Variants in SVEP1 observed in about 807,000 individuals in gnomAD.
SVEP1 encodes sushi, von Willebrand factor type A, EGF and pentraxin domain containing 1, also known as sushi, von Willebrand factor type A, EGF and pentraxin domain-containing protein 1.
A neutral mutation model predicts 367.3 loss-of-function variants in SVEP1; 164 were observed. The observed-to-expected ratio is 0.45, with a 90% CI of 0.39 to 0.51. SVEP1 has a LOEUF of 0.51. Among genes scored for constraint, SVEP1 ranks in the 20% least tolerant of loss-of-function variants. The pLI is 0.00. For synonymous variants in SVEP1, 1,666 were observed against 1,611.6 expected (o/e 1.03, Z -0.81); for missense variants, 4,117 against 4,425.3 (o/e 0.93, Z 1.98).
chr9:110,561,893 AG>A (rs1830436213), intron 1 of SVEP1, among the ~76,000 whole-genome samples: 1 of 152,206 alleles, frequency 6.6e-6, no homozygotes, highest in South Asian at 2.1e-4. Flanking sequence ...AGAAAGAAAA[AG>A]GTTGGTTGGC....
intron 3 of SVEP1, among the ~76,000 whole-genome samples, chr9:110,540,428 T>G (rs1830130018): frequency 6.6e-6 from 1 of 152,030 alleles, no homozygotes; most frequent in African/African-American, 2.4e-5. Flanking sequence ...TGAAACAGAG[T>G]TATGTAGGGT....
chr9:110,486,576 C>A (rs1829280378), intron 9 of SVEP1, among the ~76,000 whole-genome samples: 1 of 151,626 alleles, frequency 6.6e-6, no homozygotes, highest in Admixed American at 6.6e-5. Flanking sequence ...TCACTCCCTA[C>A]ATCCCTCTCT....
At chr9:110,401,328 G>C (rs1827857832) in intron 39 of SVEP1, among the ~76,000 whole-genome samples, 2 of 151,688 alleles carry the variant, frequency 1.3e-5, no homozygotes, top group Non-Finnish European at 2.9e-5. Context: ...GAGAACTGGA[G>C]GTTAATACAA....
At chr9:110,562,232 C>CAAAAA (rs534309080) in intron 1 of SVEP1, among the ~76,000 whole-genome samples, 1 of 144,530 alleles carries the variant, frequency 6.9e-6, no homozygotes. Flanking sequence ...ATATGAATAG[C>CAAAAA]AAAAACAAAA....
At chr9:110,448,988 C>CT (rs1206523852) in intron 24 of SVEP1, among the ~76,000 whole-genome samples, 6 of 152,122 alleles carry the variant, frequency 3.9e-5, no homozygotes, top group South Asian at 4.2e-4. Flanking sequence ...TGGGCTAGAT[C>CT]TTTTTTTTCT....
At position 110,450,140 on chromosome 9, in the gene SVEP1, C is replaced by T. The variant is rs753799251; in HGVS notation, c.4022G>A (p.Arg1341Gln). 1.9e-6 allele frequency: 3 copies of T among 1,613,824 alleles called. No individual in the cohort carries two copies. The highest frequency in any genetic ancestry group is 1.3e-5 in the African/African-American group (1 of 74,920). The change falls in exon 24 of 48, where the codon CGA becomes CAA. Residue 1341 changes from arginine to glutamine, a missense_variant. By Grantham distance (43) the Arg-to-Gln change is conservative. Around this residue, in one of 4 missense-constraint regions of SVEP1, gnomAD observed 2,174 missense variants for 2,494.3 expected, o/e 0.87. Coordinates refer to ENST00000374469, the MANE Select transcript of SVEP1 (RefSeq NM_153366.4). ...ACACTCATCGACGTTCTTTCCACAT[C>T]GGGTACCCAAAAATCCAGGTGGGCA... is the stretch of plus-strand genomic sequence containing the variant. ...CKCPPGFLGT[R>Q]CGKNVDECLS...
rs188206154 is a variant in SVEP1, at chr9:110,406,919, G to A, written c.8681C>T (p.Pro2894Leu). ...CGTCACCCCATTGGCCAGTTGTGGC[G>A]GGGTGGCACATCTGACAGGCACACA... ...PDCVPVRCAT[P>L]PQLANGVTEG... Residue 2894 changes from proline (P) to leucine (L), a missense_variant, in exon 38 of 48, where the codon CCG becomes CTG. Transcript: ENST00000374469. 101 of 1,613,850 alleles carry A rather than the reference G, an allele frequency of 6.3e-5. No homozygotes were observed. The highest frequency in any genetic ancestry group is 1.9e-4 in the African/African-American group (14 of 75,038).
intron 28 of SVEP1, among the ~76,000 whole-genome samples, chr9:110,436,173 T>C (rs1477915138): frequency 6.6e-6 from 1 of 151,990 alleles, no homozygotes; most frequent in African/African-American, 2.4e-5. Flanking sequence ...TTTAAGAATA[T>C]CACCAAGAAA....
rs987358800 is a variant in SVEP1 at position 110,427,286 on chromosome 9, G to A, written c.5975+305C>T. On this transcript the variant is annotated intron_variant, in intron 36 of 47. Coordinates refer to ENST00000374469, the MANE Select transcript of SVEP1 (RefSeq NM_153366.4). ...GCACTCCAGCCTGGGCAAGGTGATA[G>A]AGCAAGACTCTGTCTCAAAAAAAAA... 4.3e-5 allele frequency among the ~76,000 whole-genome samples: 5 copies of A among 117,372 alleles called. No individual in the cohort carries two copies. The Admixed American group carries it at 4.5e-4, about 10-fold the overall frequency. 77.0% of individuals were successfully genotyped at this position (117,372 alleles called of 152,430 possible).
chr9:110,431,830 TCA>T, intron 32 of SVEP1, 83 bp downstream of exon 32: 1 of 1,538,910 alleles, frequency 6.5e-7, no homozygotes, highest in Middle Eastern at 1.7e-4. Flanking sequence ...AACAATTATC[TCA>T]CTTAGAAATA....
intron 37 of SVEP1, among the ~76,000 whole-genome samples, chr9:110,409,624 CACATAA>C (rs1346816152): frequency 2.0e-5 from 3 of 152,102 alleles, no homozygotes; most frequent in African/African-American, 7.2e-5. Context: ...AGTAAAGAAG[CACATAA>C]ACAATTAACA....
chr9:110,508,625 G>C (rs894483416), intron 5 of SVEP1, among the ~76,000 whole-genome samples: 1 of 151,924 alleles, frequency 6.6e-6, no homozygotes, highest in Non-Finnish European at 1.5e-5. Context: ...GCCGGGCATG[G>C]TGGCGGGTGC....
In SVEP1 at chr9:110,541,817, A is replaced by ATATCTATATATATCTATATACATAGG. The variant is rs1424973470; in HGVS notation, c.964+4297_964+4298insCCTATGTATATAGATATATATAGATA. ...TATCTATATATATCTATATACATAG[A>ATATCTATATATATCTATATACATAGG]TATCTATATATATCTATATACATAG... On this transcript the variant is annotated intron_variant, in intron 3 of 47. Transcript: ENST00000374469. Among the ~76,000 whole-genome samples the ATATCTATATATATCTATATACATAGG allele has an allele frequency of 1.4e-4, 20 of 140,086 alleles. 1 individual carries two copies. Among genetic ancestry groups the ATATCTATATATATCTATATACATAGG allele is most frequent in the African/African-American group, 4.9e-4 (19 of 38,424 alleles). 91.9% of individuals were successfully genotyped at this position (140,086 alleles called of 152,430 possible).
chr9:110,408,220 G>C lies in SVEP1; in HGVS notation c.7380C>G (p.Ser2460Arg). The change falls in exon 38 of 48, where the codon AGC becomes AGG. Residue 2460 changes from serine to arginine, a missense_variant. By Grantham distance (110) the Ser-to-Arg change is moderately radical. Transcript: ENST00000374469. ...IIDVQGLAYL[S>R]TALYTCKPGF... ...CTGGCTTGCAGGTATAGAGAGCTGT[G>C]CTGAGATAGGCAAGGCCTTGCACAT... The C allele has an allele frequency of 6.2e-7, 1 of 1,613,988 alleles. No homozygotes were observed. The highest frequency in any genetic ancestry group is 8.5e-7 in the Non-Finnish European group (1 of 1,179,894).
At chr9:110,486,632 T>G (rs1829281244) in intron 9 of SVEP1, among the ~76,000 whole-genome samples, 2 of 114,864 alleles carry the variant, frequency 1.7e-5, no homozygotes, top group South Asian at 6.4e-4. Context: ...TCTCCTTCCT[T>G]CTCTTTCTCT....
At chr9:110,512,345 T>C (rs1829731424) in intron 5 of SVEP1, among the ~76,000 whole-genome samples, 1 of 152,112 alleles carries the variant, frequency 6.6e-6, no homozygotes. Context: ...AGTTGGCAAG[T>C]TGAGGCAGAT....
Position 110,407,147 on chromosome 9 carries a change from T to C in SVEP1, c.8453A>G (p.Asp2818Gly). The C allele has an allele frequency of 6.2e-7, 1 of 1,614,022 alleles. No homozygotes were observed. The highest frequency in any genetic ancestry group is 8.5e-7 in the Non-Finnish European group (1 of 1,179,892). ...GGGCTCATCCTCATCCCAGTTTTTG[T>C]CATCCTGGCATGTTCTCCTCTCAGT... ...NGTERRTCQD[D>G]KNWDEDEPIC... is the part of the protein sequence containing the mutation. Residue 2818 changes from aspartate to glycine, a missense_variant, in exon 38 of 48, where the codon GAC (aspartate) becomes GGC (glycine). Around this residue, in one of 4 missense-constraint regions of SVEP1, gnomAD observed 1,765 missense variants for 1,781.1 expected, o/e 0.99. Transcript: ENST00000374469.
In SVEP1 at chr9:110,406,764, G is replaced by C. The variant is rs1164758016; in HGVS notation, c.8836C>G (p.Pro2946Ala). ...TCTTCAGGAGGTCCACAGTTGACTG[G>C]TTTACAGAGAGGAATCTCTGCATCC... ...NWDAEIPLCK[P>A]VNCGPPEDLA... The change falls in exon 38 of 48, where the codon CCA becomes GCA. Residue 2946 changes from proline (P) to alanine (A), a missense_variant. Around this residue, in one of 4 missense-constraint regions of SVEP1, gnomAD observed 1,765 missense variants for 1,781.1 expected, o/e 0.99. Transcript: ENST00000374469. The C allele has an allele frequency of 6.2e-7, 1 of 1,614,040 alleles. No individual in the cohort carries two copies. Among genetic ancestry groups the C allele is most frequent in the South Asian group, 1.1e-5 (1 of 91,086 alleles).
At chr9:110,414,448 T>C (rs1327539) in intron 36 of SVEP1, among the ~76,000 whole-genome samples, 42,424 of 151,850 alleles carry the variant, frequency 0.28, 6,369 homozygotes, top group Non-Finnish European at 0.31. Flanking sequence ...AGCCCCCAGT[T>C]AGGGCCTGCT....
Sources: allele counts gnomAD v4.1 joint callset (sites outside exome capture counted in the v4.1 genomes callset), GRCh38; gene constraint gnomAD v4.1.1; regional missense constraint gnomAD v4.1.1; transcripts MANE v1.5; gene names NCBI Gene and HGNC (gene_info 2026-07-23, HGNC 2026-07-21).